The following HIVEP2 variants were observed in gnomAD, a reference collection of about 807,000 sequenced individuals.
HIVEP2 encodes the protein transcription factor HIVEP2.
A neutral mutation model predicts 180.7 loss-of-function variants in HIVEP2; 14 were observed. The ratio of observed to expected loss-of-function variants is 0.08; its 90% confidence interval spans 0.05 to 0.12. HIVEP2 has a LOEUF of 0.12. HIVEP2 is among the 10% of genes least tolerant of loss of function. The pLI, the probability that HIVEP2 is intolerant of heterozygous loss-of-function variation, is 1.00. For synonymous variants in HIVEP2, 1,184 were observed against 1,136.4 expected, an observed-to-expected ratio of 1.04 and a Z score of -0.84; for missense variants, 2,579 against 3,008.5, an observed-to-expected ratio of 0.86 and a Z score of 3.34.
intron 1 of HIVEP2, among the ~76,000 whole-genome samples, chr6:142,924,004 T>G (rs1273608685): frequency 6.6e-6 from 1 of 152,216 alleles, no homozygotes; most frequent in East Asian, 1.9e-4. Flanking sequence ...TCTCTTCAGC[T>G]TTGCTAAATG....
chr6:142,875,849 A>T (rs954682070), intron 1 of HIVEP2, among the ~76,000 whole-genome samples: 4 of 152,206 alleles, frequency 2.6e-5, no homozygotes, highest in Admixed American at 1.3e-4. Context: ...AGCCAAGTGC[A>T]TGGATTTAGG....
At chr6:142,786,645 T>C (rs1433383143) in intron 2 of HIVEP2, among the ~76,000 whole-genome samples, 1 of 152,234 alleles carries the variant, frequency 6.6e-6, no homozygotes. Context: ...TGGATGCTTA[T>C]AGGTTATTAC....
intron 2 of HIVEP2, among the ~76,000 whole-genome samples, chr6:142,785,309 CAAAAAAAAAAAAAA>C (rs57458259): frequency 1.5e-4 from 10 of 65,394 alleles, no homozygotes; most frequent in East Asian, 1.3e-3. Flanking sequence ...TGGCATTCCT[CAAAAAAAAAAAAAA>C]AAAAAAAAAA....
intron 1 of HIVEP2, among the ~76,000 whole-genome samples, chr6:142,873,956 A>G (rs1246274821): frequency 6.6e-6 from 1 of 152,168 alleles, no homozygotes; most frequent in Non-Finnish European, 1.5e-5. Context: ...AGCAGTTAGC[A>G]TGACTTCGGT....
intron 1 of HIVEP2, among the ~76,000 whole-genome samples, chr6:142,889,258 T>A (rs188073869): frequency 1.3e-5 from 2 of 152,028 alleles, no homozygotes; most frequent in Admixed American, 1.3e-4. Context: ...ATCTCTTGAG[T>A]CCAGGAGATG....
chr6:142,869,701 A>G (rs1488148744), intron 1 of HIVEP2, among the ~76,000 whole-genome samples: 2 of 152,152 alleles, frequency 1.3e-5, no homozygotes, highest in Non-Finnish European at 2.9e-5. Flanking sequence ...TAAAATTTAA[A>G]ATGTATTAAA....
At chr6:142,895,775 G>T (rs761541613) in intron 1 of HIVEP2, among the ~76,000 whole-genome samples, 1 of 152,174 alleles carries the variant, frequency 6.6e-6, no homozygotes, top group African/African-American at 2.4e-5. Flanking sequence ...CACAACTAGA[G>T]AATAGAGAGT....
At chr6:142,870,185 A>T (rs1776254329) in intron 1 of HIVEP2, among the ~76,000 whole-genome samples, 1 of 152,016 alleles carries the variant, frequency 6.6e-6, no homozygotes. Flanking sequence ...AAAGGTTATT[A>T]TTGACTTGAA....
rs1160572718 is a variant in HIVEP2 at position 142,770,129 on chromosome 6, A to G, written c.4610T>C (p.Phe1537Ser). 5 of 1,614,080 alleles carry G rather than the reference A, an allele frequency of 3.1e-6. No homozygotes were observed. Among genetic ancestry groups the G allele is most frequent in the Non-Finnish European group, 4.2e-6 (5 of 1,180,050 alleles). Residue 1537 changes from phenylalanine to serine, a missense_variant, in exon 5 of 10, where the codon TTC (phenylalanine) becomes TCC (serine). Coordinates refer to ENST00000367603, the MANE Select transcript of HIVEP2 (RefSeq NM_006734.4). The surrounding 1 kb of genome is among the most constrained non-coding windows in gnomAD (Gnocchi z 4.7). Reference sequence around the variant, plus strand: ...GGAAAGCATCTCCTTGCTGGGCAGGAATGGCTCCCTGGAAGACGGGCTAAC... The same window carrying G: ...GGAAAGCATCTCCTTGCTGGGCAGGGATGGCTCCCTGGAAGACGGGCTAAC... ...PSVSPSSREP[F>S]LPSKEMLSGS... is the part of the protein sequence containing the mutation.
intron 1 of HIVEP2, among the ~76,000 whole-genome samples, chr6:142,937,392 A>G (rs573341940): frequency 1.3e-5 from 2 of 152,202 alleles, no homozygotes; most frequent in Non-Finnish European, 2.9e-5. Context: ...AACGTTTACT[A>G]TGTGCTCATT....
intron 1 of HIVEP2, among the ~76,000 whole-genome samples, chr6:142,914,539 A>G (rs1279008548): frequency 1.3e-5 from 2 of 152,172 alleles, no homozygotes; most frequent in Non-Finnish European, 2.9e-5. Context: ...CAATCAACAC[A>G]TTTTTACTCA....
At chr6:142,827,914 G>C (rs893033703) in intron 2 of HIVEP2, among the ~76,000 whole-genome samples, 6 of 152,176 alleles carry the variant, frequency 3.9e-5, no homozygotes, top group Non-Finnish European at 1.5e-5. Context: ...CACAGAAACA[G>C]TGCAGGCTTT....
In HIVEP2 at chr6:142,773,431, A is replaced by C. The variant is rs199507387; in HGVS notation, c.1308T>G (p.Asn436Lys). ...GACTTGTGGTTGTAACACTGAGTGCATTTCTCGGACTAAGCCGACAGTATT... is the reference window on the plus strand; with the variant it reads ...GACTTGTGGTTGTAACACTGAGTGCCTTTCTCGGACTAAGCCGACAGTATT... Reference protein sequence around the residue: ...FGKYCRLSPRNALSVTTTSQE... With the variant: ...FGKYCRLSPRKALSVTTTSQE... Residue 436 changes from asparagine to lysine, a missense_variant, in exon 5 of 10, where the codon AAT becomes AAG. By Grantham distance (94) the Asn-to-Lys change is moderately conservative. Around this residue, in one of 11 missense-constraint regions of HIVEP2, gnomAD observed 524 missense variants for 563.6 expected, o/e 0.93. Coordinates refer to ENST00000367603, the MANE Select transcript of HIVEP2 (RefSeq NM_006734.4). 2.5e-6 allele frequency: 4 copies of C among 1,614,130 alleles called. No individual in the cohort carries two copies. The highest frequency in any genetic ancestry group is 4.5e-5 in the East Asian group (2 of 44,878).
At chr6:142,845,657 G>A (rs868632332) in intron 1 of HIVEP2, among the ~76,000 whole-genome samples, 5 of 152,318 alleles carry the variant, frequency 3.3e-5, no homozygotes, top group African/African-American at 9.6e-5. Context: ...AAGATTTCCC[G>A]AGCCAGAATT....
chr6:142,942,976 T>G (rs1303730074), intron 1 of HIVEP2, among the ~76,000 whole-genome samples: 1 of 152,170 alleles, frequency 6.6e-6, no homozygotes, highest in Non-Finnish European at 1.5e-5. Flanking sequence ...ATACTGCATA[T>G]TTCAAACCTA....
intron 7 of HIVEP2, among the ~76,000 whole-genome samples, chr6:142,762,854 A>G (rs35133449): frequency 0.13 from 19,692 of 152,232 alleles, 1,678 homozygotes; most frequent in South Asian, 0.19. Flanking sequence ...AATTCCAAAC[A>G]GAAATATTTC....
chr6:142,761,456 A>G lies in HIVEP2; in HGVS notation c.5620+8T>C. 1.4e-6 allele frequency: 2 copies of G among 1,473,690 alleles called. No individual in the cohort carries two copies. Among genetic ancestry groups the G allele is most frequent in the Non-Finnish European group, 1.9e-6 (2 of 1,051,846 alleles). 91.3% of individuals were successfully genotyped at this position (1,473,690 alleles called of 1,614,324 possible). A position where few individuals can be genotyped will look rare whatever the true frequency, so the allele number is the denominator to read the frequency against. On this transcript the variant is annotated splice_region_variant and intron_variant, in intron 8 of 9. Coordinates refer to ENST00000367603, the MANE Select transcript of HIVEP2 (RefSeq NM_006734.4). ...AGAGGTCTGTCAACTCATTTATGAC[A>G]TACACACCTGCTTCCTCAGTTTCTG...
At chr6:142,756,958 G>A (rs1175083048) in intron 9 of HIVEP2, among the ~76,000 whole-genome samples, 1 of 152,114 alleles carries the variant, frequency 6.6e-6, no homozygotes, top group Admixed American at 6.5e-5. Context: ...GATGAGTGGG[G>A]TAATAGAACT....
chr6:142,798,677 G>T (rs1018455167), intron 2 of HIVEP2, among the ~76,000 whole-genome samples: 1 of 152,158 alleles, frequency 6.6e-6, no homozygotes, highest in African/African-American at 2.4e-5. Flanking sequence ...ACCTCATGCA[G>T]ATGGGGTTGA....
Sources: allele counts gnomAD v4.1 joint callset (sites outside exome capture counted in the v4.1 genomes callset), GRCh38; gene constraint gnomAD v4.1.1; regional missense constraint gnomAD v4.1.1; non-coding constraint Gnocchi (gnomAD v3.1); transcripts MANE v1.5; gene names NCBI Gene and HGNC (gene_info 2026-07-23, HGNC 2026-07-21).